EPHB2: variants seen among roughly 807,000 people sequenced by gnomAD.
EPHB2 encodes the protein EPH receptor B2.
Under a neutral mutation model 96.4 loss-of-function variants are expected in EPHB2, and 18 were observed. The ratio of observed to expected loss-of-function variants is 0.19; its 90% CI spans 0.13 to 0.28. EPHB2 has a LOEUF of 0.28. EPHB2 is among the 10% of genes least tolerant of loss of function. EPHB2 has a pLI of 1.00. For missense variants in EPHB2, 989 were observed against 1,355.4 expected, an observed-to-expected ratio of 0.73 and a Z score of 4.25; for synonymous variants, 506 against 534.1, an observed-to-expected ratio of 0.95 and a Z score of 0.72.
chr1:22,785,221 C>T, intron 3 of EPHB2, 145 bp downstream of exon 3: 3 of 1,023,444 alleles, frequency 2.9e-6, no homozygotes, highest in Non-Finnish European at 4.2e-6. Context: ...AACCAGCAAC[C>T]ATCGTTCAGC....
At chr1:22,907,856 T>C in intron 11 of EPHB2, 97 bp from the exon 12 acceptor site, 1 of 1,468,472 alleles carries the variant, frequency 6.8e-7, no homozygotes, top group African/African-American at 1.4e-5. Flanking sequence ...AGAGCCAGGC[T>C]GGCAGGGCCC....
chr1:22,710,895 C>A lies in EPHB2; in HGVS notation c.-88C>A, dbSNP rs546958756. 1.4e-4 allele frequency: 21 copies of A among 146,266 alleles called. No individual in the cohort carries two copies. In the East Asian group the frequency reaches 1.8e-3, roughly 13 times the overall value. The allele number at this position is 146,266 out of a possible 1,614,324, so 9.1% of individuals were successfully genotyped here. A position where few individuals can be genotyped will look rare whatever the true frequency, so the allele number is the denominator to read the frequency against. On this transcript the variant is annotated 5_prime_UTR_variant, in exon 1 of 16. Transcript: ENST00000374630. Reference sequence around the variant, plus strand: ...GTGTGCGCCGCGCCTTGCCGCCCCCCCTGGCCCCCCGAGCCCGGGGCGCGC... The same window carrying A: ...GTGTGCGCCGCGCCTTGCCGCCCCCACTGGCCCCCCGAGCCCGGGGCGCGC...
At position 22,906,931 on chromosome 1, in the gene EPHB2, A is replaced by G; in HGVS notation, c.2110A>G (p.Asn704Asp). 1 of 1,612,436 alleles carries G rather than the reference A, an allele frequency of 6.2e-7. No individual in the cohort carries two copies. The highest frequency in any genetic ancestry group is 1.1e-5 in the South Asian group (1 of 91,024). ...PVMIITEFME[N>D]GSLDSFLRQN... is the part of the protein sequence containing the mutation. ...GATGATCATCACCGAGTTCATGGAG[A>G]ATGGCTCCCTGGACTCCTTTCTCCG... Residue 704 changes from asparagine to aspartate, a missense_variant, in exon 11 of 16, where the codon AAT (asparagine) becomes GAT (aspartate). Coordinates refer to ENST00000374630, the MANE Select transcript of EPHB2 (RefSeq NM_017449.5). This position sits in a 1 kb window ranked among gnomAD's most constrained non-coding sequence, Gnocchi z 4.8.
chr1:22,879,638 T>A (rs574609339), intron 5 of EPHB2, among the ~76,000 whole-genome samples: 1 of 152,352 alleles, frequency 6.6e-6, no homozygotes. Flanking sequence ...GAAGTCACTG[T>A]GCCTCTCTGA....
chr1:22,774,436 C>CAGGAAGA (rs1175162410), intron 1 of EPHB2: 1 of 352,588 alleles, frequency 2.8e-6, no homozygotes, highest in African/African-American at 2.2e-5. Context: ...GGACAGCTGC[C>CAGGAAGA]AGGAAGAAGG....
At chr1:22,833,369 C>T (rs576694752) in intron 3 of EPHB2, among the ~76,000 whole-genome samples, 79 of 152,276 alleles carry the variant, frequency 5.2e-4, no homozygotes, top group South Asian at 3.1e-3. Flanking sequence ...CTAGCCTCCT[C>T]GGCCTCCCAA....
At chr1:22,793,840 G>A (rs771609388) in intron 3 of EPHB2, among the ~76,000 whole-genome samples, 19 of 152,194 alleles carry the variant, frequency 1.2e-4, no homozygotes, top group Non-Finnish European at 2.8e-4. Flanking sequence ...AGCTGCCCAA[G>A]GCCACACAGC....
chr1:22,906,040 G>A lies in EPHB2; in HGVS notation c.1819G>A (p.Glu607Lys), dbSNP rs1639901998. 1.2e-6 allele frequency: 2 copies of A among 1,614,212 alleles called. No homozygotes were observed. Among genetic ancestry groups the A allele is most frequent in the Non-Finnish European group, 8.5e-7 (1 of 1,180,032 alleles). The change falls in exon 10 of 16, where the codon GAG becomes AAG. Residue 607 changes from glutamate (E) to lysine (K), a missense_variant. Coordinates refer to ENST00000374630, the MANE Select transcript of EPHB2 (RefSeq NM_017449.5). This position sits in a 1 kb window ranked among gnomAD's most constrained non-coding sequence, Gnocchi z 4.8. The stretch of plus-strand genomic sequence containing the variant: ...TCCTTTCACCTACGAGGACCCCAAC[G>A]AGGCAGTGCGGGAGTTTGCCAAGGA... ...IDPFTYEDPN[E>K]AVREFAKEID...
intron 3 of EPHB2, among the ~76,000 whole-genome samples, chr1:22,851,460 C>T (rs1296068644): frequency 2.0e-5 from 3 of 152,200 alleles, no homozygotes; most frequent in African/African-American, 2.4e-5. Context: ...GCCAGTTAGG[C>T]TTTTGCCGTG....
At chr1:22,909,923 C>G (rs190774923) in intron 13 of EPHB2, among the ~76,000 whole-genome samples, 1 of 152,226 alleles carries the variant, frequency 6.6e-6, no homozygotes, top group Non-Finnish European at 1.5e-5. Context: ...AGGCTTGAGG[C>G]CATGGTGTGG....
chr1:22,871,898 C>G (rs1302968379), intron 5 of EPHB2, among the ~76,000 whole-genome samples: 1 of 152,070 alleles, frequency 6.6e-6, no homozygotes, highest in African/African-American at 2.4e-5. Context: ...CACCTGTCAT[C>G]CCAGCTACTC....
chr1:22,749,878 G>A (rs1013552174), intron 1 of EPHB2, among the ~76,000 whole-genome samples: 5 of 150,692 alleles, frequency 3.3e-5, no homozygotes, highest in African/African-American at 7.2e-5. Context: ...TGGGGATGAG[G>A]AGGGGATACA....
intron 1 of EPHB2, among the ~76,000 whole-genome samples, chr1:22,757,793 G>A (rs1330458916): frequency 2.0e-5 from 3 of 151,706 alleles, no homozygotes; most frequent in Non-Finnish European, 2.9e-5. Flanking sequence ...TGCCTGGGGA[G>A]TTGAGGCTGC....
At chr1:22,832,856 A>T (rs2148488035) in intron 3 of EPHB2, among the ~76,000 whole-genome samples, 1 of 149,546 alleles carries the variant, frequency 6.7e-6, no homozygotes, top group East Asian at 2.0e-4. Context: ...CACCTGTACA[A>T]AGGGACAGAT....
intron 3 of EPHB2, among the ~76,000 whole-genome samples, chr1:22,817,503 C>T (rs75181607): frequency 0.014 from 2,169 of 152,352 alleles, 43 homozygotes; most frequent in African/African-American, 0.049. Flanking sequence ...CACATGCCCA[C>T]AGGCTCCTTC....
intron 3 of EPHB2, among the ~76,000 whole-genome samples, chr1:22,814,845 A>T (rs955351153): frequency 1.3e-5 from 2 of 152,222 alleles, no homozygotes; most frequent in African/African-American, 4.8e-5. Flanking sequence ...GGCTGGCCTG[A>T]CTGCTTTGCT....
chr1:22,790,058 A>G lies in EPHB2; in HGVS notation c.811+4982A>G, dbSNP rs543822628. On this transcript the variant is annotated intron_variant, in intron 3 of 15. Coordinates refer to ENST00000374630, the MANE Select transcript of EPHB2 (RefSeq NM_017449.5). The surrounding 1 kb of genome is among the most constrained non-coding windows in gnomAD (Gnocchi z 4.0). ...GCTTTGAGAATATGAGGAAAAAGCC[A>G]TCTTGTATGACTGGGTATCTCAGAA... is the stretch of plus-strand genomic sequence containing the variant. 8.7e-4 allele frequency among the ~76,000 whole-genome samples: 132 copies of G among 152,276 alleles called. No individual in the cohort carries two copies. Among genetic ancestry groups the G allele is most frequent in the African/African-American group, 2.8e-3 (117 of 41,556 alleles).
chr1:22,784,595 C>T lies in EPHB2; in HGVS notation c.330C>T (p.Thr110=). 1 of 1,614,176 alleles carries T rather than the reference C, an allele frequency of 6.2e-7. No individual in the cohort carries two copies. The highest frequency in any genetic ancestry group is 8.5e-7 in the Non-Finnish European group (1 of 1,180,032). ...IPSVPGSCKE[T]FNLYYYEADF... ...GCGTGCCTGGCTCCTGCAAGGAGAC[C>T]TTCAACCTCTATTACTATGAGGCTG... Residue 110 remains threonine, a synonymous_variant, in exon 3 of 16, where the codon ACC becomes ACT. Transcript: ENST00000374630. This position sits in a 1 kb window ranked among gnomAD's most constrained non-coding sequence, Gnocchi z 5.1.
intron 9 of EPHB2, among the ~76,000 whole-genome samples, chr1:22,902,343 A>G (rs1178598014): frequency 6.6e-6 from 1 of 152,210 alleles, no homozygotes; most frequent in Non-Finnish European, 1.5e-5. Context: ...GCACCCAGTA[A>G]ATCTACGCTG....
Sources: allele counts gnomAD v4.1 joint callset (sites outside exome capture counted in the v4.1 genomes callset), GRCh38; gene constraint gnomAD v4.1.1; non-coding constraint Gnocchi (gnomAD v3.1); transcripts MANE v1.5; gene names NCBI Gene and HGNC (gene_info 2026-07-23, HGNC 2026-07-21).